Variants in PPT1 observed in about 807,000 individuals in gnomAD.
PPT1 encodes palmitoyl-protein thioesterase 1.
Under a neutral mutation model 44.0 loss-of-function variants are expected in PPT1, and 24 were observed. The observed-to-expected ratio is 0.54, with a 90% CI of 0.39 to 0.77. The LOEUF is 0.77. Among genes scored for constraint, PPT1 ranks in the 30% least tolerant of loss-of-function variants. PPT1 has a pLI of 0.00. For synonymous variants in PPT1, 148 were observed against 140.2 expected, an observed-to-expected ratio of 1.06 and a Z score of -0.39; for missense variants, 341 against 378.8, an observed-to-expected ratio of 0.90 and a Z score of 0.83.
chr1:40,081,609 CTTCTT>C (rs1293875254), intron 5 of PPT1, among the ~76,000 whole-genome samples: 2 of 152,072 alleles, frequency 1.3e-5, no homozygotes, highest in African/African-American at 4.8e-5. Flanking sequence ...CCCAAGCTCT[CTTCTT>C]TTGTCTACCG....
Position 40,072,814 on chromosome 1 carries a change from A to G in PPT1, c.*1247T>C, listed in dbSNP as rs1648301928. ...ATCTTTTAGTTGAAGAATAAGGCTT[A>G]AGAGAGAGAAAGGAAAAACCATAAT... On this transcript the variant is annotated 3_prime_UTR_variant, in exon 9 of 9. Transcript: ENST00000642050. The G allele has an allele frequency of 6.6e-6, 1 of 152,212 alleles. No homozygotes were observed. The highest frequency in any genetic ancestry group is 2.4e-5 in the African/African-American group (1 of 41,464). 9.4% of individuals were successfully genotyped at this position (152,212 alleles called of 1,614,324 possible).
chr1:40,090,316 G>C lies in PPT1; in HGVS notation c.434-804C>G, dbSNP rs547474521. On this transcript the variant is annotated intron_variant, in intron 4 of 8. Coordinates refer to ENST00000642050, the MANE Select transcript of PPT1 (RefSeq NM_000310.4). ...ACAGGTGTACACCACCATGTGCCCA[G>C]CTATCCTCCATTTTATCGTGTATAT... Among the ~76,000 whole-genome samples, 35 of 152,072 alleles carry C rather than the reference G, an allele frequency of 2.3e-4. 1 individual carries two copies. The highest frequency in any genetic ancestry group is 8.0e-4 in the African/African-American group (33 of 41,466).
chr1:40,072,323 G>A (rs781692973), downstream of PPT1: 7 of 362,374 alleles, frequency 1.9e-5, no homozygotes, highest in South Asian at 1.5e-4. Flanking sequence ...TCCCTGCCAG[G>A]TGCCTGTCAC....
chr1:40,082,016 C>T (rs1160346736), intron 5 of PPT1, among the ~76,000 whole-genome samples: 1 of 152,168 alleles, frequency 6.6e-6, no homozygotes, highest in Non-Finnish European at 1.5e-5. Flanking sequence ...GGAACTGGAG[C>T]AAAGGGGACT....
chr1:40,080,087 A>G (rs1648840385), intron 6 of PPT1, among the ~76,000 whole-genome samples: 1 of 152,162 alleles, frequency 6.6e-6, no homozygotes, highest in South Asian at 2.1e-4. Context: ...AGACTGATCC[A>G]TCAGGAAAGC....
chr1:40,095,460 C>T lies in PPT1; in HGVS notation c.124+1655G>A, dbSNP rs541560901. Among the ~76,000 whole-genome samples, 13 of 151,860 alleles carry T rather than the reference C, an allele frequency of 8.6e-5. No homozygotes were observed. The South Asian group carries it at 2.3e-3, about 27-fold the overall frequency. On this transcript the variant is annotated intron_variant, in intron 1 of 8. Transcript: ENST00000642050. ...CCTAGACTCCACACTCCAAATGCCT[C>T]TACAACATCTCCTGGGTGTCTCATG...
downstream of PPT1, chr1:40,072,570 A>G (rs1648266266): frequency 6.5e-6 from 1 of 153,638 alleles, no homozygotes; most frequent in South Asian, 2.1e-4. Flanking sequence ...ATTTCTACCC[A>G]TTTCCTGAGG....
chr1:40,073,961 A>G lies in PPT1; in HGVS notation c.*100T>C. The G allele has an allele frequency of 6.7e-7, 1 of 1,502,842 alleles. No homozygotes were observed. Among genetic ancestry groups the G allele is most frequent in the Non-Finnish European group, 9.2e-7 (1 of 1,085,918 alleles). The allele number at this position is 1,502,842 out of a possible 1,614,324, so 93.1% of individuals were successfully genotyped here. A position where few individuals can be genotyped will look rare whatever the true frequency, so the allele number is the denominator to read the frequency against. On this transcript the variant is annotated 3_prime_UTR_variant, in exon 9 of 9. Coordinates refer to ENST00000642050, the MANE Select transcript of PPT1 (RefSeq NM_000310.4). Reference sequence around the variant, plus strand: ...TTAGATGATAGAAGGATTAGTTGCAAGCTGGATCTGAGCTCAGGCTTGGGC... The same window carrying G: ...TTAGATGATAGAAGGATTAGTTGCAGGCTGGATCTGAGCTCAGGCTTGGGC...
At chr1:40,081,148 A>T (rs564639612) in intron 5 of PPT1, among the ~76,000 whole-genome samples, 4 of 152,150 alleles carry the variant, frequency 2.6e-5, no homozygotes, top group Non-Finnish European at 5.9e-5. Context: ...CACAATTCCC[A>T]TATGTCATGG....
At chr1:40,094,069 T>A (rs1489639038) in intron 1 of PPT1, 3 of 662,788 alleles carry the variant, frequency 4.5e-6, no homozygotes, top group Non-Finnish European at 8.4e-6. Context: ...AGACACCAAA[T>A]TTACAAATGA....
chr1:40,092,890 G>A (rs1428329420), intron 1 of PPT1, among the ~76,000 whole-genome samples: 1 of 152,196 alleles, frequency 6.6e-6, no homozygotes, highest in African/African-American at 2.4e-5. Context: ...TATTGTCAAC[G>A]ATGTAGAAAA....
rs142709096 is a variant in PPT1, at chr1:40,086,158, C to T, written c.536+3252G>A. The stretch of plus-strand genomic sequence containing the variant: ...AGCTCTAGCTTCCTCTGAGCTGGTA[C>T]GGGGGAAGACGGAGGCCAAGGCCAG... On this transcript the variant is annotated intron_variant, in intron 5 of 8. Coordinates refer to ENST00000642050, the MANE Select transcript of PPT1 (RefSeq NM_000310.4). Among the ~76,000 whole-genome samples, 170 of 152,216 alleles carry T rather than the reference C, an allele frequency of 1.1e-3. 4 individuals carry two copies. The South Asian group carries it at 0.019, about 17-fold the overall frequency.
intron 5 of PPT1, among the ~76,000 whole-genome samples, chr1:40,084,062 C>CA (rs150512746): frequency 6.6e-6 from 1 of 152,074 alleles, no homozygotes; most frequent in Non-Finnish European, 1.5e-5. Context: ...CAAAAACAAA[C>CA]AAACAAAAAT....
intron 8 of PPT1, among the ~76,000 whole-genome samples, chr1:40,076,308 T>C (rs1040706829): frequency 1.3e-5 from 2 of 151,768 alleles, no homozygotes; most frequent in African/African-American, 4.8e-5. Context: ...CTCCTAAAAA[T>C]ACAAAAATTA....
intron 7 of PPT1, among the ~76,000 whole-genome samples, chr1:40,078,114 G>A (rs1004963884): frequency 6.6e-6 from 1 of 152,190 alleles, no homozygotes; most frequent in Non-Finnish European, 1.5e-5. Flanking sequence ...CTCAGGTGAA[G>A]AACTGTTTTA....
intron 1 of PPT1, among the ~76,000 whole-genome samples, chr1:40,093,697 C>A (rs1043491418): frequency 1.3e-4 from 19 of 151,834 alleles, no homozygotes; most frequent in Admixed American, 2.6e-4. Context: ...CCAGCCTGGG[C>A]AACATGGTGA....
chr1:40,097,168 A>G lies in PPT1; in HGVS notation c.71T>C (p.Leu24Pro), dbSNP rs746667989. ...CGGCGCCGGCGGGTCCAGATGCTGC[A>G]GCGCCCGAGAAGCGCAGGTCCATGG... Reference protein sequence around the residue: ...LLPWTCASRALQHLDPPAPLP... With the variant: ...LLPWTCASRAPQHLDPPAPLP... The change falls in exon 1 of 9, where the codon CTG becomes CCG. Residue 24 changes from leucine (L) to proline (P), a missense_variant. Transcript: ENST00000642050. The G allele has an allele frequency of 6.2e-6, 10 of 1,613,924 alleles. No individual in the cohort carries two copies. The Admixed American group carries it at 1.7e-4, about 27-fold the overall frequency.
rs1420685309 is a variant in PPT1, at chr1:40,073,834, A to G, written c.*227T>C. 5 of 635,214 alleles carry G rather than the reference A, an allele frequency of 7.9e-6. No individual in the cohort carries two copies. The Admixed American group carries it at 1.4e-4, about 18-fold the overall frequency. 39.3% of individuals were successfully genotyped at this position (635,214 alleles called of 1,614,324 possible). ...GAACTTGACCACATCAAAAGTTTGT[A>G]AAACAATCTCCATGGTAATTAAACT... On this transcript the variant is annotated 3_prime_UTR_variant, in exon 9 of 9. Coordinates refer to ENST00000642050, the MANE Select transcript of PPT1 (RefSeq NM_000310.4).
At chr1:40,093,451 A>G (rs994230172) in intron 1 of PPT1, among the ~76,000 whole-genome samples, 2 of 152,176 alleles carry the variant, frequency 1.3e-5, no homozygotes, top group African/African-American at 4.8e-5. Context: ...TAGTTGCACA[A>G]CATTGCAAAT....
Sources: gnomAD v4.1 joint callset for allele counts (sites outside exome capture counted in the v4.1 genomes callset) on GRCh38, gnomAD v4.1.1 for gene constraint, MANE v1.5 for transcripts, NCBI Gene and HGNC (gene_info 2026-07-23, HGNC 2026-07-21) for gene names.